The following ADGRF5 variants were observed in gnomAD, a reference collection of about 807,000 sequenced individuals.
ADGRF5 encodes the protein G-protein coupled receptor 116.
ADGRF5 carries 75 observed loss-of-function variants against 132.3 expected under a neutral mutation model. The ratio of observed to expected loss-of-function variants is 0.57; its 90% confidence interval spans 0.47 to 0.69. The LOEUF is 0.69. Ranked by LOEUF, ADGRF5 falls within the 30% of genes least tolerant of loss-of-function variation. ADGRF5 has a pLI of 0.00. For missense variants in ADGRF5, 1,516 were observed against 1,630.6 expected, an observed-to-expected ratio of 0.93 and a Z score of 1.21; for synonymous variants, 629 against 597.6, an observed-to-expected ratio of 1.05 and a Z score of -0.77.
intron 3 of ADGRF5, among the ~76,000 whole-genome samples, chr6:46,898,008 A>G (rs1231455652): frequency 1.3e-5 from 2 of 152,204 alleles, no homozygotes; most frequent in Non-Finnish European, 2.9e-5. Context: ...CTAGAGGCCC[A>G]AGAACACAGA....
At chr6:46,870,721 G>A (rs1770957538) in intron 11 of ADGRF5, 1 of 273,230 alleles carries the variant, frequency 3.7e-6, no homozygotes, top group Non-Finnish European at 7.6e-6. Flanking sequence ...TACCAGACTA[G>A]TGATTTTCAG....
intron 2 of ADGRF5, among the ~76,000 whole-genome samples, chr6:46,901,452 G>A (rs552972207): frequency 1.8e-3 from 267 of 152,258 alleles, no homozygotes; most frequent in African/African-American, 5.8e-3. Flanking sequence ...TCATTCTGCC[G>A]TCAGGGTTGT....
At chr6:46,953,987 G>A (rs937631182) in intron 1 of ADGRF5, among the ~76,000 whole-genome samples, 2 of 151,444 alleles carry the variant, frequency 1.3e-5, no homozygotes, top group African/African-American at 2.4e-5. Flanking sequence ...ATTTATAGTG[G>A]TACTTAAATA....
chr6:46,876,680 T>C (rs1771690130), intron 10 of ADGRF5, among the ~76,000 whole-genome samples: 1 of 152,214 alleles, frequency 6.6e-6, no homozygotes, highest in Non-Finnish European at 1.5e-5. Flanking sequence ...CTCTGCTCAC[T>C]GCAACCTCGG....
At chr6:46,928,766 G>A (rs1435699606) in intron 1 of ADGRF5, among the ~76,000 whole-genome samples, 2 of 152,138 alleles carry the variant, frequency 1.3e-5, no homozygotes, top group African/African-American at 4.8e-5. Context: ...GGCCATCAGA[G>A]AAATGCAAAT....
At chr6:46,859,830 T>TTTTATTTTAC in intron 16 of ADGRF5, among the ~76,000 whole-genome samples, 1 of 151,632 alleles carries the variant, frequency 6.6e-6, no homozygotes, top group East Asian at 2.0e-4. Flanking sequence ...TTTTATTTTA[T>TTTTATTTTAC]TTTATTTTAT....
rs200560322 is a variant in ADGRF5 at position 46,949,381 on chromosome 6, C to T, written c.-25+5353G>A. On this transcript the variant is annotated intron_variant, in intron 1 of 20. Coordinates refer to the ADGRF5 transcript ENST00000265417. Reference sequence around the variant, plus strand: ...GCTCTGGGGCTGCCTGGAGTGGTTGCTGATGTGTATAGGGTCTACCTAAGC... The same window carrying T: ...GCTCTGGGGCTGCCTGGAGTGGTTGTTGATGTGTATAGGGTCTACCTAAGC... 1.3e-4 allele frequency among the ~76,000 whole-genome samples: 20 copies of T among 152,270 alleles called. No homozygotes were observed. The East Asian group carries it at 3.5e-3, about 27-fold the overall frequency.
intron 1 of ADGRF5, among the ~76,000 whole-genome samples, chr6:46,917,781 T>G (rs1776555425): frequency 6.6e-6 from 1 of 152,106 alleles, no homozygotes; most frequent in Non-Finnish European, 1.5e-5. Flanking sequence ...GGTTTTCTCT[T>G]AGAAATACCT....
chr6:46,854,619 C>T lies in ADGRF5; in HGVS notation c.3962-548G>A. Reference sequence around the variant, plus strand: ...AGCAAGGAAGGCAGCCTCAGAGCAACTGCACAGGCTTGTCTGCGGGGAGGT... The same window carrying T: ...AGCAAGGAAGGCAGCCTCAGAGCAATTGCACAGGCTTGTCTGCGGGGAGGT... On this transcript the variant is annotated intron_variant, in intron 20 of 20. Transcript: ENST00000283296. The T allele has an allele frequency of 4.3e-5, 28 of 654,806 alleles. 1 individual carries two copies. Among genetic ancestry groups the T allele is most frequent in the South Asian group, 3.9e-4 (27 of 68,394 alleles). The allele number at this position is 654,806 out of a possible 1,614,324, so 40.6% of individuals were successfully genotyped here. A position where few individuals can be genotyped will look rare whatever the true frequency, so the allele number is the denominator to read the frequency against.
chr6:46,929,515 TA>T (rs755997104), intron 1 of ADGRF5, among the ~76,000 whole-genome samples: 13 of 114,972 alleles, frequency 1.1e-4, no homozygotes, highest in South Asian at 2.7e-4. Context: ...AAAATAAAAA[TA>T]AAAAAAAGAA....
chr6:46,860,237 G>C (rs1324126600), intron 16 of ADGRF5, among the ~76,000 whole-genome samples: 1 of 152,064 alleles, frequency 6.6e-6, no homozygotes, highest in African/African-American at 2.4e-5. Flanking sequence ...CATCACCCCT[G>C]GTTTATTTGT....
At chr6:46,872,707 C>A (rs1473790399) in intron 10 of ADGRF5, among the ~76,000 whole-genome samples, 1 of 152,028 alleles carries the variant, frequency 6.6e-6, no homozygotes, top group Non-Finnish European at 1.5e-5. Context: ...GCCATCTTTC[C>A]TATTGCCTCG....
chr6:46,873,989 T>C (rs919812139), intron 10 of ADGRF5, among the ~76,000 whole-genome samples: 2 of 152,186 alleles, frequency 1.3e-5, no homozygotes, highest in African/African-American at 4.8e-5. Context: ...TCAGACCCCA[T>C]TATCTGTGGT....
chr6:46,953,664 T>G (rs1365285772), intron 1 of ADGRF5, among the ~76,000 whole-genome samples: 45 of 126,736 alleles, frequency 3.6e-4, no homozygotes, highest in Non-Finnish European at 4.5e-4. Context: ...TATATATATA[T>G]ATATATATAT....
chr6:46,917,455 T>G (rs1354225735), intron 1 of ADGRF5, among the ~76,000 whole-genome samples: 1 of 152,170 alleles, frequency 6.6e-6, no homozygotes, highest in Non-Finnish European at 1.5e-5. Flanking sequence ...GTGCCTCTAT[T>G]TGCTAGCTTT....
rs1168724580 is a variant in ADGRF5, at chr6:46,859,029, G to A, written c.2874C>T (p.Asn958=). Residue 958 remains asparagine (N), a synonymous_variant, in exon 17 of 21, where the codon AAC becomes AAT. Transcript: ENST00000283296. ...CCCCTGTGTTGTTGGCAAGCCTGAA[G>A]TTCCAGAAGACACACTTCGTTTCGC... ...SGGETKCVFW[N]FRLANNTGGW... 1 of 1,614,060 alleles carries A rather than the reference G, an allele frequency of 6.2e-7. No individual in the cohort carries two copies. Among genetic ancestry groups the A allele is most frequent in the Non-Finnish European group, 8.5e-7 (1 of 1,180,030 alleles).
chr6:46,894,438 G>T (rs1426142775), intron 3 of ADGRF5, among the ~76,000 whole-genome samples: 3 of 152,086 alleles, frequency 2.0e-5, no homozygotes, highest in Non-Finnish European at 4.4e-5. Context: ...TGAAGTCTAG[G>T]GAAGAGAATT....
chr6:46,877,225 C>CTCCT (rs1554200285), intron 10 of ADGRF5, among the ~76,000 whole-genome samples: 1 of 131,682 alleles, frequency 7.6e-6, no homozygotes. Context: ...TTTATTTCCT[C>CTCCT]TCTTTCTTTC....
At chr6:46,907,199 T>A (rs1775474253) in intron 1 of ADGRF5, among the ~76,000 whole-genome samples, 1 of 152,196 alleles carries the variant, frequency 6.6e-6, no homozygotes, top group African/African-American at 2.4e-5. Context: ...TAAATGGACA[T>A]CATGACCCAT....
Sources: allele counts gnomAD v4.1 joint callset (sites outside exome capture counted in the v4.1 genomes callset), GRCh38; gene constraint gnomAD v4.1.1; transcripts MANE v1.5; gene names NCBI Gene and HGNC (gene_info 2026-07-23, HGNC 2026-07-21).